TTLL11: variants seen among roughly 807,000 people sequenced by gnomAD.
TTLL11 encodes tubulin tyrosine ligase like 11.
In TTLL11, 42 loss-of-function variants were observed where a neutral mutation model predicts 51.7. That is an observed-to-expected ratio of 0.81 (90% CI 0.64 to 1.05). TTLL11 has a LOEUF of 1.05. Ranked by LOEUF, TTLL11 falls within the 50% of genes least tolerant of loss-of-function variation. The pLI is 0.00. For synonymous variants in TTLL11, 381 were observed against 383.5 expected, an observed-to-expected ratio of 0.99 and a Z score of 0.08; for missense variants, 799 against 940.4, an observed-to-expected ratio of 0.85 and a Z score of 1.97.
At chr9:121,963,994 G>C (rs1213234342) in intron 6 of TTLL11, among the ~76,000 whole-genome samples, 1 of 152,056 alleles carries the variant, frequency 6.6e-6, no homozygotes, top group African/African-American at 2.4e-5. Context: ...ATAATAGGAT[G>C]ACAGTTCGGT....
chr9:121,982,741 A>G lies in TTLL11; in HGVS notation c.1269+6454T>C, dbSNP rs541990933. 9.7e-4 allele frequency among the ~76,000 whole-genome samples: 146 copies of G among 149,924 alleles called. 1 individual carries two copies. Among genetic ancestry groups the G allele is most frequent in the African/African-American group, 3.4e-3 (140 of 41,082 alleles). On this transcript the variant is annotated intron_variant, in intron 4 of 8. Transcript: ENST00000321582. ...TCAAAAAAAAAAAAAAAAAAAGAAT[A>G]AGTCATGTTTGAATAGCTGGGGAAG...
At chr9:121,956,949 A>G (rs1356363411) in intron 6 of TTLL11, among the ~76,000 whole-genome samples, 1 of 152,180 alleles carries the variant, frequency 6.6e-6, no homozygotes, top group Non-Finnish European at 1.5e-5. Context: ...TGCTGACCTC[A>G]GCAGGGAGTA....
At chr9:121,824,836 G>C (rs1480752367) in intron 8 of TTLL11, among the ~76,000 whole-genome samples, 1 of 152,120 alleles carries the variant, frequency 6.6e-6, no homozygotes, top group African/African-American at 2.4e-5. Context: ...TCTGGCACTG[G>C]GGGCAGCAGC....
At chr9:121,917,505 G>GGAAAGAAAAGAAAAA in intron 6 of TTLL11, among the ~76,000 whole-genome samples, 1 of 142,638 alleles carries the variant, frequency 7.0e-6, no homozygotes. Context: ...GAAAAGAAAA[G>GGAAAGAAAAGAAAAA]AAGGAGAGAG....
chr9:121,837,906 T>A (rs904516688), intron 8 of TTLL11, among the ~76,000 whole-genome samples: 4 of 152,170 alleles, frequency 2.6e-5, no homozygotes, highest in African/African-American at 9.7e-5. Flanking sequence ...GGAGACACGG[T>A]CTTCCCACGT....
intron 8 of TTLL11, among the ~76,000 whole-genome samples, chr9:121,834,301 G>C (rs566088204): frequency 6.6e-6 from 1 of 152,148 alleles, no homozygotes; most frequent in Non-Finnish European, 1.5e-5. Flanking sequence ...TCTACACATG[G>C]TAGATCAAAC....
chr9:121,993,866 C>A (rs1843179600), intron 3 of TTLL11, among the ~76,000 whole-genome samples: 1 of 152,204 alleles, frequency 6.6e-6, no homozygotes, highest in Non-Finnish European at 1.5e-5. Flanking sequence ...TTAGGGCAGT[C>A]CTTTGTCACT....
intron 6 of TTLL11, among the ~76,000 whole-genome samples, chr9:121,887,860 G>A (rs1450625374): frequency 6.6e-6 from 1 of 152,178 alleles, no homozygotes; most frequent in Non-Finnish European, 1.5e-5. Context: ...AATACATCTG[G>A]TGTCTGGTGT....
intron 1 of TTLL11, among the ~76,000 whole-genome samples, chr9:122,072,346 T>C (rs1845751687): frequency 6.6e-6 from 1 of 151,990 alleles, no homozygotes; most frequent in Non-Finnish European, 1.5e-5. Context: ...CCAGCCGGAG[T>C]AAAATGTTAG....
At position 121,895,207 on chromosome 9, in the gene TTLL11, T is replaced by C. The variant is rs150214002; in HGVS notation, c.1482-24459A>G. On this transcript the variant is annotated intron_variant, in intron 6 of 8. Transcript: ENST00000321582. Reference sequence around the variant, plus strand: ...CTCTCTTTCATCTTGAAAAGATGTCTGGAACGTTTTGCTTTGCTGCAGATA... The same window carrying C: ...CTCTCTTTCATCTTGAAAAGATGTCCGGAACGTTTTGCTTTGCTGCAGATA... 9.2e-5 allele frequency among the ~76,000 whole-genome samples: 14 copies of C among 152,354 alleles called. No individual in the cohort carries two copies. The East Asian group carries it at 2.7e-3, about 29-fold the overall frequency.
chr9:122,039,258 A>T lies in TTLL11; in HGVS notation c.559+14T>A. The T allele has an allele frequency of 6.2e-7, 1 of 1,609,568 alleles. No homozygotes were observed. The highest frequency in any genetic ancestry group is 8.5e-7 in the Non-Finnish European group (1 of 1,176,122). The stretch of plus-strand genomic sequence containing the variant: ...CTAGAAACATGTTTAAATGTCAACA[A>T]TAACAGCAGATACCTGGAAACTTGT... On this transcript the variant is annotated intron_variant, in intron 2 of 8. Transcript: ENST00000321582.
chr9:122,030,987 C>G (rs1257066760), intron 3 of TTLL11, among the ~76,000 whole-genome samples: 1 of 150,896 alleles, frequency 6.6e-6, no homozygotes, highest in East Asian at 1.9e-4. Context: ...ACTTCTAGCA[C>G]AAAGCCTGGA....
chr9:121,896,703 C>A (rs931189993), intron 6 of TTLL11, among the ~76,000 whole-genome samples: 116 of 152,290 alleles, frequency 7.6e-4, no homozygotes, highest in East Asian at 3.9e-4. Context: ...GATGACTACG[C>A]AGACCCTGGC....
chr9:122,026,994 T>C (rs1399367638), intron 3 of TTLL11, among the ~76,000 whole-genome samples: 1 of 151,808 alleles, frequency 6.6e-6, no homozygotes, highest in Non-Finnish European at 1.5e-5. Context: ...CTGGGTAATT[T>C]ATAAAGAAAA....
chr9:122,056,024 A>G (rs1845283636), intron 1 of TTLL11, among the ~76,000 whole-genome samples: 1 of 152,222 alleles, frequency 6.6e-6, no homozygotes, highest in South Asian at 2.1e-4. Flanking sequence ...CCCATTTGCC[A>G]TATGCAGGAT....
chr9:121,989,706 C>T lies in TTLL11; in HGVS notation c.758G>A (p.Gly253Asp), dbSNP rs1053010448. 15 of 1,613,240 alleles carry T rather than the reference C, an allele frequency of 9.3e-6. No individual in the cohort carries two copies. Among genetic ancestry groups the T allele is most frequent in the African/African-American group, 1.3e-5 (1 of 74,866 alleles). The change falls in exon 4 of 9, where the codon GGT becomes GAT. Residue 253 changes from glycine to aspartate, a missense_variant. Gly to Asp is a moderately conservative substitution (Grantham distance 94, BLOSUM62 -1). Coordinates refer to ENST00000321582, the MANE Select transcript of TTLL11 (RefSeq NM_001139442.2). This position sits in a 1 kb window ranked among gnomAD's most constrained non-coding sequence, Gnocchi z 4.2. The part of the protein sequence containing the change: ...KPTFIVKPDG[G>D]CQGDGIYLIK... ...GAGGTAGATTCCATCACCCTGACAA[C>T]CACCATCAGGTTTCACGATAAAAGT...
chr9:122,092,544 T>C lies in TTLL11; in HGVS notation c.462+143A>G. 3.5e-6 allele frequency: 5 copies of C among 1,438,870 alleles called. No individual in the cohort carries two copies. In the South Asian group the frequency reaches 7.2e-5, roughly 21 times the overall value. The allele number at this position is 1,438,870 out of a possible 1,614,324, so 89.1% of individuals were successfully genotyped here. A position where few individuals can be genotyped will look rare whatever the true frequency, so the allele number is the denominator to read the frequency against. On this transcript the variant is annotated intron_variant, in intron 1 of 8. Coordinates refer to ENST00000321582, the MANE Select transcript of TTLL11 (RefSeq NM_001139442.2). ...GGTAGGCCTTGAAGGATGAGCACTT[T>C]GCGGCTGACAAGCAGGCCCGAGCGT... is the stretch of plus-strand genomic sequence containing the variant.
chr9:121,889,158 T>C (rs1839126590), intron 6 of TTLL11, among the ~76,000 whole-genome samples: 1 of 152,136 alleles, frequency 6.6e-6, no homozygotes, highest in Admixed American at 6.5e-5. Flanking sequence ...GAGGTATCTC[T>C]ACTTTACAGA....
chr9:122,075,753 AC>A (rs1206818855), intron 1 of TTLL11, among the ~76,000 whole-genome samples: 2 of 152,232 alleles, frequency 1.3e-5, no homozygotes, highest in Admixed American at 6.5e-5. Context: ...GAACAAGTGC[AC>A]AGGCTAAAGA....
Sources: allele counts gnomAD v4.1 joint callset (sites outside exome capture counted in the v4.1 genomes callset), GRCh38; gene constraint gnomAD v4.1.1; non-coding constraint Gnocchi (gnomAD v3.1); transcripts MANE v1.5; gene names NCBI Gene and HGNC (gene_info 2026-07-23, HGNC 2026-07-21).